FHIT: variants seen among roughly 807,000 people sequenced by gnomAD.
The protein encoded by FHIT is bis(5'-adenosyl)-triphosphatase.
In FHIT, 19 loss-of-function variants were observed where a neutral mutation model predicts 17.9. The ratio of observed to expected loss-of-function variants is 1.06; its 90% CI spans 0.74 to 1.56. FHIT has a LOEUF of 1.56. Ranked by LOEUF, FHIT falls within the 40% of genes most tolerant of loss-of-function variation. FHIT has a pLI of 0.00. For synonymous variants in FHIT, 81 were observed against 69.7 expected, an observed-to-expected ratio of 1.16 and a Z score of -0.81; for missense variants, 248 against 189.2, an observed-to-expected ratio of 1.31 and a Z score of -1.82.
intron 5 of FHIT, among the ~76,000 whole-genome samples, chr3:60,124,051 G>GAGAGAGAGAGAC (rs1559653981): frequency 5.9e-5 from 7 of 118,790 alleles, no homozygotes; most frequent in African/African-American, 2.3e-4. Flanking sequence ...GAGAGAGAGA[G>GAGAGAGAGAGAC]AGAGACAGAG....
chr3:60,323,882 G>A (rs1326428487), intron 5 of FHIT, among the ~76,000 whole-genome samples: 1 of 152,126 alleles, frequency 6.6e-6, no homozygotes, highest in East Asian at 1.9e-4. Flanking sequence ...AGGAAGATTA[G>A]CAAATACTAG....
intron 8 of FHIT, among the ~76,000 whole-genome samples, chr3:59,837,571 C>A (rs1469871954): frequency 6.6e-6 from 1 of 151,970 alleles, no homozygotes; most frequent in Non-Finnish European, 1.5e-5. Flanking sequence ...ATAAAAATGT[C>A]CCATGGAATC....
At chr3:60,861,280 CTTTT>C (rs1242081119) in intron 3 of FHIT, among the ~76,000 whole-genome samples, 1 of 41,400 alleles carries the variant, frequency 2.4e-5, no homozygotes, top group African/African-American at 1.1e-4. Context: ...ATATATCTTT[CTTTT>C]TTTTTTCAGT....
intron 8 of FHIT, among the ~76,000 whole-genome samples, chr3:59,863,725 A>T (rs933320452): frequency 4.6e-5 from 7 of 152,212 alleles, no homozygotes. Flanking sequence ...GTTCTTCTGA[A>T]GTACCTTCTT....
intron 8 of FHIT, among the ~76,000 whole-genome samples, chr3:59,825,569 C>T (rs936947207): frequency 1.3e-5 from 2 of 152,206 alleles, no homozygotes; most frequent in South Asian, 2.1e-4. Context: ...TTTGCTCCCA[C>T]ACCTGATGTA....
rs141722113 is a variant in FHIT, at chr3:59,857,858, T to A, written c.348+64488A>T. Among the ~76,000 whole-genome samples, 577 of 152,112 alleles carry A rather than the reference T, an allele frequency of 3.8e-3. 14 individuals are homozygous for A. Among genetic ancestry groups the A allele is most frequent in the Non-Finnish European group, 2.4e-3 (165 of 68,002 alleles). On this transcript the variant is annotated intron_variant, in intron 8 of 9. Transcript: ENST00000492590. ...CTAACATATTTTTAAAGAGCTCTGA[T>A]AGAGAGAAACCAGGTGGTGAAAGAA...
At chr3:60,823,500 G>A (rs1247905906) in intron 3 of FHIT, among the ~76,000 whole-genome samples, 4 of 152,118 alleles carry the variant, frequency 2.6e-5, no homozygotes, top group East Asian at 1.9e-4. Flanking sequence ...AGAGACACAC[G>A]GGAGAAGGAA....
chr3:61,030,084 C>T (rs1417116347), intron 3 of FHIT, among the ~76,000 whole-genome samples: 1 of 152,184 alleles, frequency 6.6e-6, no homozygotes, highest in Non-Finnish European at 1.5e-5. Context: ...ATCCTCCTAC[C>T]TCAGCCTCCC....
chr3:59,971,753 T>C (rs955233629), intron 7 of FHIT, among the ~76,000 whole-genome samples: 2 of 152,158 alleles, frequency 1.3e-5, no homozygotes. Flanking sequence ...TTGTATGACC[T>C]TGGGCAAGAT....
chr3:61,234,285 T>A (rs1325409866), intron 1 of FHIT, among the ~76,000 whole-genome samples: 1 of 152,162 alleles, frequency 6.6e-6, no homozygotes, highest in African/African-American at 2.4e-5. Flanking sequence ...CTCCTGGAAA[T>A]GTCTCCTAAG....
chr3:60,552,210 C>G (rs567978122), intron 4 of FHIT, among the ~76,000 whole-genome samples: 1 of 152,264 alleles, frequency 6.6e-6, no homozygotes, highest in South Asian at 2.1e-4. Context: ...TATGTATACA[C>G]CACATGTTTT....
intron 5 of FHIT, among the ~76,000 whole-genome samples, chr3:60,362,016 A>G (rs900795390): frequency 1.1e-4 from 17 of 152,132 alleles, no homozygotes; most frequent in African/African-American, 4.1e-4. Flanking sequence ...CAAACTGTGC[A>G]CACATCTTCT....
intron 1 of FHIT, among the ~76,000 whole-genome samples, chr3:61,221,941 C>A (rs544937372): frequency 2.6e-5 from 4 of 152,318 alleles, no homozygotes; most frequent in South Asian, 2.1e-4. Flanking sequence ...TGATTTGAAT[C>A]TGCTCCTACC....
intron 3 of FHIT, among the ~76,000 whole-genome samples, chr3:60,939,362 A>T (rs1708318880): frequency 6.6e-6 from 1 of 152,158 alleles, no homozygotes; most frequent in African/African-American, 2.4e-5. Flanking sequence ...CATTAACAGC[A>T]GAGTTGAGTA....
intron 5 of FHIT, among the ~76,000 whole-genome samples, chr3:60,123,605 A>T (rs1307739738): frequency 1.3e-5 from 2 of 152,096 alleles, no homozygotes; most frequent in African/African-American, 4.8e-5. Context: ...GTGTTTTAAT[A>T]CCAACACAGA....
chr3:60,454,559 T>C lies in FHIT; in HGVS notation c.103+82301A>G, dbSNP rs185010280. On this transcript the variant is annotated intron_variant, in intron 5 of 9. Transcript: ENST00000492590. ...GCCACCACACCCGGCTAATTTTTGG[T>C]ATTTTTAGTAGAGATGGGGTTTCAC... Among the ~76,000 whole-genome samples, 123 of 151,990 alleles carry C rather than the reference T, an allele frequency of 8.1e-4. 1 individual carries two copies. In the Middle Eastern group the frequency reaches 0.014, roughly 17 times the overall value.
At chr3:60,566,185 T>C (rs1208697521) in intron 4 of FHIT, among the ~76,000 whole-genome samples, 2 of 152,142 alleles carry the variant, frequency 1.3e-5, no homozygotes, top group African/African-American at 4.8e-5. Context: ...AACTAAGTGG[T>C]CAATTTTGGA....
intron 5 of FHIT, among the ~76,000 whole-genome samples, chr3:60,359,494 T>C (rs775896920): frequency 5.9e-5 from 9 of 152,188 alleles, no homozygotes; most frequent in African/African-American, 1.4e-4. Context: ...TTGGCCAGGA[T>C]GGTCTCAATC....
intron 3 of FHIT, among the ~76,000 whole-genome samples, chr3:60,950,457 A>T (rs1488417245): frequency 2.0e-5 from 3 of 151,888 alleles, no homozygotes; most frequent in African/African-American, 7.3e-5. Context: ...ATATTAAAGA[A>T]GAAGGCTGCT....
Sources: gnomAD v4.1 joint callset for allele counts (sites outside exome capture counted in the v4.1 genomes callset) on GRCh38, gnomAD v4.1.1 for gene constraint, MANE v1.5 for transcripts, NCBI Gene and HGNC (gene_info 2026-07-23, HGNC 2026-07-21) for gene names.